IMMP2L: variants seen among roughly 807,000 people sequenced by gnomAD.
IMMP2L encodes inner mitochondrial membrane peptidase subunit 2, also known as mitochondrial inner membrane protease subunit 2.
Under a neutral mutation model 19.3 loss-of-function variants are expected in IMMP2L, and 18 were observed. That is an observed-to-expected ratio of 0.93 (90% CI 0.64 to 1.38). The LOEUF is 1.38. Among genes scored for constraint, IMMP2L ranks in the 40% most tolerant of loss-of-function variants. The probability of loss-of-function intolerance (pLI) is 0.00; values close to 1 mark genes in which losing one functional copy is unlikely to be tolerated. For synonymous variants in IMMP2L, 76 were observed against 73.0 expected (o/e 1.04, Z -0.21); for missense variants, 233 against 218.2 (o/e 1.07, Z -0.43).
At chr7:111,309,808 T>C (rs1823304531) in intron 3 of IMMP2L, among the ~76,000 whole-genome samples, 1 of 152,176 alleles carries the variant, frequency 6.6e-6, no homozygotes, top group Non-Finnish European at 1.5e-5. Context: ...TTATAGTACC[T>C]GTTAGAAGTA....
At chr7:110,947,295 C>G (rs530748376) in intron 4 of IMMP2L, among the ~76,000 whole-genome samples, 2 of 152,080 alleles carry the variant, frequency 1.3e-5, no homozygotes. Flanking sequence ...AAGGATGTTG[C>G]AGGTTTTAAT....
intron 3 of IMMP2L, among the ~76,000 whole-genome samples, chr7:111,313,652 G>C (rs1171361269): frequency 6.6e-6 from 1 of 152,012 alleles, no homozygotes; most frequent in Non-Finnish European, 1.5e-5. Context: ...CAGAGTTACA[G>C]ATGTAAAATC....
At chr7:110,729,866 A>G (rs1796135385) in intron 5 of IMMP2L, among the ~76,000 whole-genome samples, 1 of 152,144 alleles carries the variant, frequency 6.6e-6, no homozygotes, top group South Asian at 2.1e-4. Flanking sequence ...CATGGCACAC[A>G]TCTACCTATG....
intron 3 of IMMP2L, among the ~76,000 whole-genome samples, chr7:111,214,796 AAG>A (rs1811758913): frequency 6.6e-6 from 1 of 151,722 alleles, no homozygotes; most frequent in Admixed American, 6.6e-5. Context: ...AAAAAAAAAA[AAG>A]AGAGAGAGAT....
chr7:111,041,110 T>C (rs577558788), intron 3 of IMMP2L, among the ~76,000 whole-genome samples: 13 of 152,228 alleles, frequency 8.5e-5, no homozygotes, highest in Non-Finnish European at 1.6e-4. Flanking sequence ...GCTTAGGGAT[T>C]AGTGGCTAAT....
At chr7:111,347,184 T>C (rs564975487) in intron 3 of IMMP2L, among the ~76,000 whole-genome samples, 2 of 152,098 alleles carry the variant, frequency 1.3e-5, no homozygotes, top group East Asian at 1.9e-4. Context: ...TGTGATGGGC[T>C]TGAGGTATGT....
Position 110,897,775 on chromosome 7 carries a change from C to A in IMMP2L, c.306-11080G>T, listed in dbSNP as rs185933516. The stretch of plus-strand genomic sequence containing the variant: ...CATAAAAAGAACAAATTAGAGCCAT[C>A]AATTAACTTCAGAGATTTTTTCAAA... On this transcript the variant is annotated intron_variant, in intron 4 of 5. Transcript: ENST00000405709. Among the ~76,000 whole-genome samples, 46 of 152,022 alleles carry A rather than the reference C, an allele frequency of 3.0e-4. 1 individual carries two copies. Among genetic ancestry groups the A allele is most frequent in the Admixed American group, 2.8e-3 (43 of 15,278 alleles).
chr7:111,496,570 A>G (rs1454194081), intron 2 of IMMP2L, among the ~76,000 whole-genome samples: 1 of 152,126 alleles, frequency 6.6e-6, no homozygotes, highest in Non-Finnish European at 1.5e-5. Flanking sequence ...AAGAACAAGG[A>G]AGAGGAAAGG....
At chr7:110,714,891 A>C (rs548072898) in intron 5 of IMMP2L, among the ~76,000 whole-genome samples, 20 of 152,100 alleles carry the variant, frequency 1.3e-4, no homozygotes, top group Admixed American at 3.3e-4. Context: ...CACTGCATCC[A>C]GCCTCTGGGG....
chr7:111,217,529 T>C (rs972248003), intron 3 of IMMP2L, among the ~76,000 whole-genome samples: 1 of 152,064 alleles, frequency 6.6e-6, no homozygotes, highest in Non-Finnish European at 1.5e-5. Flanking sequence ...AGTAGCTACA[T>C]GAAGAAACTA....
At chr7:111,147,626 G>A (rs1472679625) in intron 3 of IMMP2L, among the ~76,000 whole-genome samples, 3 of 152,004 alleles carry the variant, frequency 2.0e-5, no homozygotes, top group Non-Finnish European at 4.4e-5. Flanking sequence ...GACTCCTTAG[G>A]CTGAGTCCTC....
rs74543306 is a variant in IMMP2L at position 110,955,796 on chromosome 7, C to T, written c.305+7704G>A. Reference sequence around the variant, plus strand: ...GACATGAGTTTCTTTTCATATCTCCCTCCTTTCAGGACAGAAACCATCTCT... The same window carrying T: ...GACATGAGTTTCTTTTCATATCTCCTTCCTTTCAGGACAGAAACCATCTCT... On this transcript the variant is annotated intron_variant, in intron 4 of 5. Transcript: ENST00000405709. Among the ~76,000 whole-genome samples, 84 of 150,706 alleles carry T rather than the reference C, an allele frequency of 5.6e-4. 1 individual carries two copies. In the East Asian group the frequency reaches 0.015, roughly 26 times the overall value.
At position 111,049,570 on chromosome 7, in the gene IMMP2L, C is replaced by T. The variant is rs60767229; in HGVS notation, c.240-86005G>A. The stretch of plus-strand genomic sequence containing the variant: ...TGTCATTACTTCAGAATGTCTATTC[C>T]CTTTGATCCACCCCTTAAATTCTAC... On this transcript the variant is annotated intron_variant, in intron 3 of 5. Coordinates refer to ENST00000405709, the MANE Select transcript of IMMP2L (RefSeq NM_032549.4). Among the ~76,000 whole-genome samples the T allele has an allele frequency of 2.0e-3, 300 of 152,178 alleles. 3 individuals are homozygous for T. The highest frequency in any genetic ancestry group is 6.9e-3 in the African/African-American group (285 of 41,504).
chr7:111,458,142 G>A (rs1753383626), intron 3 of IMMP2L, among the ~76,000 whole-genome samples: 1 of 152,162 alleles, frequency 6.6e-6, no homozygotes, highest in Non-Finnish European at 1.5e-5. Context: ...ACTCTGGGAG[G>A]CTGAGGCAGG....
At chr7:111,193,504 A>C (rs1290624612) in intron 3 of IMMP2L, among the ~76,000 whole-genome samples, 1 of 152,184 alleles carries the variant, frequency 6.6e-6, no homozygotes, top group Admixed American at 6.5e-5. Flanking sequence ...TTGAGCATCC[A>C]TCTCCAACGA....
At chr7:111,450,406 ATACCTACAAC>A (rs1839011770) in intron 3 of IMMP2L, among the ~76,000 whole-genome samples, 1 of 152,116 alleles carries the variant, frequency 6.6e-6, no homozygotes, top group Admixed American at 6.6e-5. Context: ...ATAACGCCGC[ATACCTACAAC>A]TATCTGATCT....
rs572214645 is a variant in IMMP2L at position 111,376,827 on chromosome 7, T to C, written c.239+110411A>G. Among the ~76,000 whole-genome samples the C allele has an allele frequency of 1.7e-3, 262 of 152,226 alleles. 1 individual carries two copies. The highest frequency in any genetic ancestry group is 3.1e-3 in the Non-Finnish European group (210 of 68,014). ...CACATATCATGTAATTCCATTTATA[T>C]GAAATGTTCAGAATAGGAAAATCTA... On this transcript the variant is annotated intron_variant, in intron 3 of 5. Transcript: ENST00000405709.
intron 3 of IMMP2L, among the ~76,000 whole-genome samples, chr7:111,186,883 A>C (rs1217558753): frequency 6.6e-6 from 1 of 151,872 alleles, no homozygotes; most frequent in African/African-American, 2.4e-5. Context: ...GGCCACATTT[A>C]CTTTTGAAAA....
intron 3 of IMMP2L, among the ~76,000 whole-genome samples, chr7:111,090,064 T>C (rs1435455625): frequency 6.6e-6 from 1 of 152,078 alleles, no homozygotes; most frequent in Admixed American, 6.6e-5. Flanking sequence ...TTTTGACCTG[T>C]TGATATATTA....
Sources: allele counts gnomAD v4.1 joint callset (sites outside exome capture counted in the v4.1 genomes callset), GRCh38; gene constraint gnomAD v4.1.1; transcripts MANE v1.5; gene names NCBI Gene and HGNC (gene_info 2026-07-23, HGNC 2026-07-21).